The following PCSK2 variants were observed in gnomAD, a reference collection of about 807,000 sequenced individuals.
The protein encoded by PCSK2 is neuroendocrine convertase 2.
PCSK2 carries 14 observed loss-of-function variants against 69.7 expected under a neutral mutation model. That is an observed-to-expected ratio of 0.20 (90% confidence interval 0.13 to 0.31). The LOEUF (loss-of-function observed/expected upper bound fraction) is 0.31. PCSK2 is among the 10% of genes least tolerant of loss of function. The pLI is 1.00. For synonymous variants in PCSK2, 307 were observed against 320.7 expected, an observed-to-expected ratio of 0.96 and a Z score of 0.46; for missense variants, 544 against 842.5, an observed-to-expected ratio of 0.65 and a Z score of 4.39.
chr20:17,413,654 C>T lies in PCSK2; in HGVS notation c.620+4315C>T, dbSNP rs1332088604. Among the ~76,000 whole-genome samples, 7 of 152,070 alleles carry T rather than the reference C, an allele frequency of 4.6e-5. No individual in the cohort carries two copies. The East Asian group carries it at 1.3e-3, about 29-fold the overall frequency. The stretch of plus-strand genomic sequence containing the variant: ...CAGAAGGTTAACAAGGATATCCAGG[C>T]TTGAACTCAGCTCTGGACCAAGTGG... On this transcript the variant is annotated intron_variant, in intron 6 of 11. Transcript: ENST00000262545.
rs1159730268 is a variant in PCSK2 at position 17,481,769 on chromosome 20, G to A, written c.1616G>A (p.Arg539His). Reference sequence around the variant, plus strand: ...ACCAAGTCCATTTTGCTGAGCCGGCGTCCAAGGGATGACGACTCCAAGGTG... The same window carrying A: ...ACCAAGTCCATTTTGCTGAGCCGGCATCCAAGGGATGACGACTCCAAGGTG... ...MGTKSILLSR[R>H]PRDDDSKVGF... Residue 539 changes from arginine to histidine, a missense_variant, in exon 12 of 12, where the codon CGT becomes CAT. Coordinates refer to ENST00000262545, the MANE Select transcript of PCSK2 (RefSeq NM_002594.5). 3.7e-6 allele frequency: 6 copies of A among 1,613,978 alleles called. No individual in the cohort carries two copies. The highest frequency in any genetic ancestry group is 1.7e-5 in the Admixed American group (1 of 60,002).
intron 2 of PCSK2, among the ~76,000 whole-genome samples, chr20:17,347,032 A>G (rs192151745): frequency 2.0e-5 from 3 of 152,326 alleles, no homozygotes; most frequent in East Asian, 1.9e-4. Flanking sequence ...CTAAGACTCA[A>G]TGACTGGAAC....
intron 2 of PCSK2, among the ~76,000 whole-genome samples, chr20:17,332,896 CCTTATTTTGGG>C (rs1990241868): frequency 6.6e-6 from 1 of 152,272 alleles, no homozygotes; most frequent in South Asian, 2.1e-4. Context: ...GAGAATCCTA[CCTTATTTTGGG>C]CTTTGGCTGC....
intron 5 of PCSK2, among the ~76,000 whole-genome samples, chr20:17,375,936 A>G (rs1453132504): frequency 1.3e-5 from 2 of 152,128 alleles, no homozygotes; most frequent in African/African-American, 4.8e-5. Flanking sequence ...CTACCCCTTG[A>G]CTTTGGATTG....
intron 5 of PCSK2, 75 bp downstream of exon 5, chr20:17,369,352 G>A: frequency 8.6e-7 from 1 of 1,165,214 alleles, no homozygotes; most frequent in Non-Finnish European, 1.3e-6. Flanking sequence ...TTAGGAACAT[G>A]CACATGTCTA....
At chr20:17,473,064 C>A (rs2033230402) in intron 11 of PCSK2, among the ~76,000 whole-genome samples, 1 of 142,982 alleles carries the variant, frequency 7.0e-6, no homozygotes, top group Admixed American at 7.0e-5. Context: ...TGCATGTTAT[C>A]TCTAATAGGT....
rs763013663 is a variant in PCSK2 at position 17,227,322 on chromosome 20, T to C, written c.17T>C (p.Val6Ala). Reference protein sequence around the residue: MKGGCVSQWKAAAGFL... With the variant: MKGGCASQWKAAAGFL... The stretch of plus-strand genomic sequence containing the variant: ...CAAAGAAGGATGAAGGGTGGTTGTG[T>C]CTCCCAGTGGAAGGCGGCCGCCGGG... The change falls in exon 1 of 12, where the codon GTC becomes GCC. Residue 6 changes from valine to alanine, a missense_variant. Coordinates refer to ENST00000262545, the MANE Select transcript of PCSK2 (RefSeq NM_002594.5). 3 of 1,613,666 alleles carry C rather than the reference T, an allele frequency of 1.9e-6. No individual in the cohort carries two copies. In the Admixed American group the frequency reaches 5.0e-5, roughly 27 times the overall value.
intron 2 of PCSK2, among the ~76,000 whole-genome samples, chr20:17,267,225 A>G (rs1987650475): frequency 2.0e-5 from 3 of 152,202 alleles, no homozygotes; most frequent in African/African-American, 2.4e-5. Context: ...AGTGAAGCCA[A>G]GAGACCCAAG....
chr20:17,296,534 C>CT (rs1988900299), intron 2 of PCSK2, among the ~76,000 whole-genome samples: 1 of 152,164 alleles, frequency 6.6e-6, no homozygotes, highest in Non-Finnish European at 1.5e-5. Flanking sequence ...CCAACCTGGC[C>CT]TGTCAAACTC....
intron 2 of PCSK2, among the ~76,000 whole-genome samples, chr20:17,265,616 G>T (rs1248528430): frequency 2.6e-5 from 4 of 152,144 alleles, no homozygotes; most frequent in Non-Finnish European, 5.9e-5. Context: ...ATTTGTGGCT[G>T]CTATTTCTTC....
chr20:17,287,747 T>C (rs1008516052), intron 2 of PCSK2, among the ~76,000 whole-genome samples: 1 of 152,154 alleles, frequency 6.6e-6, no homozygotes, highest in African/African-American at 2.4e-5. Context: ...TTGGTTAAGA[T>C]TATAACCCTG....
chr20:17,305,743 G>A (rs1218789039), intron 2 of PCSK2, among the ~76,000 whole-genome samples: 1 of 152,118 alleles, frequency 6.6e-6, no homozygotes, highest in Non-Finnish European at 1.5e-5. Flanking sequence ...TGCATTCCTA[G>A]CATTTGCAAT....
intron 2 of PCSK2, among the ~76,000 whole-genome samples, chr20:17,303,474 TATATA>T (rs1555786524): frequency 2.1e-5 from 1 of 47,144 alleles, no homozygotes; most frequent in Admixed American, 2.9e-4. Flanking sequence ...ATATATATTA[TATATA>T]ATATATATTA....
intron 6 of PCSK2, among the ~76,000 whole-genome samples, chr20:17,421,341 CACCTATTCTA>C (rs1568642393): frequency 6.6e-6 from 1 of 152,196 alleles, no homozygotes; most frequent in Non-Finnish European, 1.5e-5. Context: ...TCTCACCTGT[CACCTATTCTA>C]ACCTATTCTG....
intron 5 of PCSK2, among the ~76,000 whole-genome samples, chr20:17,396,513 C>T (rs914461232): frequency 2.0e-5 from 3 of 152,120 alleles, no homozygotes; most frequent in Non-Finnish European, 2.9e-5. Flanking sequence ...TCAAATTAGC[C>T]ATTGTTTCCA....
In PCSK2 at chr20:17,466,552, C is replaced by T. The variant is rs912539052; in HGVS notation, c.1430+999C>T. Reference sequence around the variant, plus strand: ...AGCGTTAGTCAACTGCACCCACTTCCCTTCCAACTGCCCCACCTTGGCAAG... The same window carrying T: ...AGCGTTAGTCAACTGCACCCACTTCTCTTCCAACTGCCCCACCTTGGCAAG... On this transcript the variant is annotated intron_variant, in intron 11 of 11. Coordinates refer to ENST00000262545, the MANE Select transcript of PCSK2 (RefSeq NM_002594.5). 3.2e-4 allele frequency among the ~76,000 whole-genome samples: 49 copies of T among 152,196 alleles called. 2 individuals carry two copies. Among genetic ancestry groups the T allele is most frequent in the Non-Finnish European group, 1.5e-5 (1 of 68,040 alleles).
intron 2 of PCSK2, among the ~76,000 whole-genome samples, chr20:17,337,080 G>A (rs1257187114): frequency 2.1e-5 from 2 of 96,136 alleles, no homozygotes; most frequent in Non-Finnish European, 4.8e-5. Flanking sequence ...TTCTCCGAAA[G>A]AAAAAGCCAG....
rs2033454368 is a variant in PCSK2 at position 17,483,946 on chromosome 20, T to C, written c.*1876T>C. 6.6e-6 allele frequency: 1 copy of C among 152,576 alleles called. No individual in the cohort carries two copies. Among genetic ancestry groups the C allele is most frequent in the African/African-American group, 2.4e-5 (1 of 41,456 alleles). 9.5% of individuals were successfully genotyped at this position (152,576 alleles called of 1,614,324 possible). A position where few individuals can be genotyped will look rare whatever the true frequency, so the allele number is the denominator to read the frequency against. On this transcript the variant is annotated 3_prime_UTR_variant, in exon 12 of 12. Coordinates refer to ENST00000262545, the MANE Select transcript of PCSK2 (RefSeq NM_002594.5). Reference sequence around the variant, plus strand: ...CTATATACATGTGTGTATATATGTGTATATATACATACACTTGTATAAATG... The same window carrying C: ...CTATATACATGTGTGTATATATGTGCATATATACATACACTTGTATAAATG...
intron 8 of PCSK2, among the ~76,000 whole-genome samples, chr20:17,449,538 A>ATATATATGTATGTATG (rs1568655119): frequency 1.3e-5 from 2 of 148,750 alleles, no homozygotes; most frequent in African/African-American, 4.9e-5. Context: ...ATATATATAT[A>ATATATATGTATGTATG]TGTATATTTG....
Sources: gnomAD v4.1 joint callset for allele counts (sites outside exome capture counted in the v4.1 genomes callset) on GRCh38, gnomAD v4.1.1 for gene constraint, MANE v1.5 for transcripts, NCBI Gene and HGNC (gene_info 2026-07-23, HGNC 2026-07-21) for gene names.